CCNJ: variants seen among roughly 807,000 people sequenced by gnomAD.
The protein encoded by CCNJ is cyclin-J.
In CCNJ, 12 loss-of-function variants were observed where a neutral mutation model predicts 41.4. The ratio of observed to expected loss-of-function variants is 0.29; its 90% CI spans 0.19 to 0.47. The LOEUF (loss-of-function observed/expected upper bound fraction) is 0.47. Ranked by LOEUF, CCNJ falls within the 20% of genes least tolerant of loss-of-function variation. The pLI is 1.00. For missense variants in CCNJ, 340 were observed against 464.6 expected (o/e 0.73, Z 2.47); for synonymous variants, 161 against 173.4 (o/e 0.93, Z 0.56).
At chr10:96,046,413 G>T (rs1303671738) in intron 2 of CCNJ, among the ~76,000 whole-genome samples, 1 of 152,186 alleles carries the variant, frequency 6.6e-6, no homozygotes, top group Admixed American at 6.5e-5. Flanking sequence ...ACTTAAAATG[G>T]ACTTTTCTCC....
chr10:96,044,592 A>G (rs1406075461), intron 2 of CCNJ, 130 bp downstream of exon 2: 12 of 652,112 alleles, frequency 1.8e-5, no homozygotes, highest in Non-Finnish European at 2.5e-5. Context: ...GAGTTTGCTC[A>G]TTTGCTCAAG....
chr10:96,047,344 G>T (rs926721086), intron 2 of CCNJ, among the ~76,000 whole-genome samples: 1 of 152,064 alleles, frequency 6.6e-6, no homozygotes, highest in African/African-American at 2.4e-5. Context: ...TTCCCTTTAT[G>T]TGGAAAAAAA....
intron 2 of CCNJ, among the ~76,000 whole-genome samples, chr10:96,045,644 T>TG (rs1409079405): frequency 6.6e-6 from 1 of 152,050 alleles, no homozygotes; most frequent in Non-Finnish European, 1.5e-5. Context: ...AGGAAAGAGT[T>TG]GCAGTTTCTT....
intron 2 of CCNJ, among the ~76,000 whole-genome samples, chr10:96,047,313 A>C (rs573840605): frequency 6.6e-6 from 1 of 152,284 alleles, no homozygotes; most frequent in South Asian, 2.1e-4. Flanking sequence ...AATCCTAGGA[A>C]CTACATGAGA....
chr10:96,051,382 C>T (rs1234707083), intron 3 of CCNJ, among the ~76,000 whole-genome samples: 4 of 151,926 alleles, frequency 2.6e-5, no homozygotes, highest in African/African-American at 9.7e-5. Flanking sequence ...GAAGTTGAAT[C>T]AGTAATATAG....
intron 5 of CCNJ, among the ~76,000 whole-genome samples, chr10:96,057,462 T>C (rs1278084238): frequency 6.6e-6 from 1 of 152,208 alleles, no homozygotes; most frequent in Non-Finnish European, 1.5e-5. Flanking sequence ...GGAAAGGAGC[T>C]GCTTGTGTGT....
rs373470851 is a variant in CCNJ, at chr10:96,057,189, C to T, written c.682C>T (p.His228Tyr). The T allele has an allele frequency of 6.2e-7, 1 of 1,613,606 alleles. No homozygotes were observed. The highest frequency in any genetic ancestry group is 1.3e-5 in the African/African-American group (1 of 74,934). ...RLSPTWPTRL[H>Y]RLTAYSWDFL... Reference sequence around the variant, plus strand: ...TTCTCCAACGTGGCCTACAAGACTACATCGTCTTACTGCCTACTCTTGGGA... The same window carrying T: ...TTCTCCAACGTGGCCTACAAGACTATATCGTCTTACTGCCTACTCTTGGGA... The change falls in exon 5 of 6, where the codon CAT becomes TAT. Residue 228 changes from histidine to tyrosine, a missense_variant. Transcript: ENST00000465148.
chr10:96,045,008 T>C (rs2080322566), intron 2 of CCNJ, among the ~76,000 whole-genome samples: 1 of 152,320 alleles, frequency 6.6e-6, no homozygotes, highest in South Asian at 2.1e-4. Context: ...GCTCTTGGTA[T>C]ATAGTAAGCA....
intron 3 of CCNJ, among the ~76,000 whole-genome samples, chr10:96,052,522 T>A (rs1285843092): frequency 6.6e-6 from 1 of 152,238 alleles, no homozygotes. Flanking sequence ...CATCTTTGTG[T>A]ACCATCTTAG....
rs998746773 is a variant in CCNJ, at chr10:96,056,568, T to C, written c.281-133T>C. On this transcript the variant is annotated intron_variant, in intron 3 of 5. Transcript: ENST00000465148. ...AAAACACAGGGTTCTGGCACAATTG[T>C]ATCTGTGTAAGGTAAGTACGTCTTT... 6.1e-6 allele frequency: 4 copies of C among 654,452 alleles called. No homozygotes were observed. The Admixed American group carries it at 1.2e-4, about 20-fold the overall frequency. The allele number at this position is 654,452 out of a possible 1,614,324, so 40.5% of individuals were successfully genotyped here. A position where few individuals can be genotyped will look rare whatever the true frequency, so the allele number is the denominator to read the frequency against.
At position 96,048,654 on chromosome 10, in the gene CCNJ, C is replaced by G. The variant is rs558709190; in HGVS notation, c.70-1602C>G. Among the ~76,000 whole-genome samples, 3 of 152,270 alleles carry G rather than the reference C, an allele frequency of 2.0e-5. No homozygotes were observed. In the South Asian group the frequency reaches 6.2e-4, roughly 32 times the overall value. ...TTCTACTTTGTCCCTGTAAATAGGA[C>G]TATTCTAGGTAACTCATTAAGTGGA... On this transcript the variant is annotated intron_variant, in intron 2 of 5. Transcript: ENST00000465148.
intron 5 of CCNJ, 47 bp downstream of exon 5, chr10:96,057,294 C>T (rs1564707907): frequency 2.6e-6 from 4 of 1,542,880 alleles, no homozygotes; most frequent in Non-Finnish European, 2.7e-6. Flanking sequence ...TAACAGTTTT[C>T]TTCATGTATG....
chr10:96,044,841 A>G (rs539051484), intron 2 of CCNJ, among the ~76,000 whole-genome samples: 2 of 152,334 alleles, frequency 1.3e-5, no homozygotes, highest in East Asian at 3.9e-4. Flanking sequence ...TTTTGTACAT[A>G]AATTCCTCAG....
intron 3 of CCNJ, among the ~76,000 whole-genome samples, chr10:96,053,044 T>G (rs1191572064): frequency 3.3e-5 from 5 of 152,232 alleles, no homozygotes; most frequent in African/African-American, 1.2e-4. Flanking sequence ...TAAACTCTTT[T>G]CAGTGTCTGA....
intron 3 of CCNJ, among the ~76,000 whole-genome samples, chr10:96,053,799 CAGTT>C: frequency 6.6e-6 from 1 of 152,308 alleles, no homozygotes; most frequent in Non-Finnish European, 1.5e-5. Flanking sequence ...TTATATCTCA[CAGTT>C]GGTTTAATTT....
intron 2 of CCNJ, among the ~76,000 whole-genome samples, chr10:96,049,481 CTT>C (rs150769179): frequency 0.14 from 14,975 of 108,390 alleles, 1,058 homozygotes; most frequent in African/African-American, 0.3. Flanking sequence ...TTTTCTTTTT[CTT>C]TTTTTTTTTT....
intron 2 of CCNJ, among the ~76,000 whole-genome samples, chr10:96,047,073 A>G (rs945078064): frequency 3.9e-5 from 6 of 152,104 alleles, no homozygotes; most frequent in African/African-American, 1.4e-4. Flanking sequence ...TTTTCTTCCT[A>G]GGTGTTGCCA....
Position 96,050,337 on chromosome 10 carries a change from A to G in CCNJ, c.151A>G (p.Ser51Gly), listed in dbSNP as rs1323553549. ...TTTTGCTGACTTGATTGCCATTGTG[A>G]GCAATCGCTTCACACTCTGCCCTTC... Reference protein sequence around the residue: ...RYFADLIAIVSNRFTLCPSAR... With the variant: ...RYFADLIAIVGNRFTLCPSAR... Residue 51 changes from serine (S) to glycine (G), a missense_variant, in exon 3 of 6, where the codon AGC becomes GGC. Ser to Gly is a moderately conservative substitution (Grantham distance 56). Coordinates refer to ENST00000465148, the MANE Select transcript of CCNJ (RefSeq NM_001134375.2). The G allele has an allele frequency of 6.2e-7, 1 of 1,613,962 alleles. No individual in the cohort carries two copies. The highest frequency in any genetic ancestry group is 8.5e-7 in the Non-Finnish European group (1 of 1,179,886).
intron 3 of CCNJ, among the ~76,000 whole-genome samples, chr10:96,053,053 G>C (rs2080573279): frequency 6.6e-6 from 1 of 152,190 alleles, no homozygotes; most frequent in South Asian, 2.1e-4. Flanking sequence ...TTCAGTGTCT[G>C]ATTCCTGTTT....
Sources: allele counts gnomAD v4.1 joint callset (sites outside exome capture counted in the v4.1 genomes callset), GRCh38; gene constraint gnomAD v4.1.1; transcripts MANE v1.5; gene names NCBI Gene and HGNC (gene_info 2026-07-23, HGNC 2026-07-21).